Variants in VPS13B observed in about 807,000 individuals in gnomAD.
VPS13B encodes the protein vacuolar protein sorting 13 homolog B.
VPS13B carries 285 observed loss-of-function variants against 426.4 expected under a neutral mutation model. That is an observed-to-expected ratio of 0.67 (90% CI 0.61 to 0.74). The LOEUF (loss-of-function observed/expected upper bound fraction) is 0.74, where lower values mean the gene tolerates loss of function less well. Among genes scored for constraint, VPS13B ranks in the 30% least tolerant of loss-of-function variants. The pLI, the probability that VPS13B is intolerant of heterozygous loss-of-function variation, is 0.00. For missense variants in VPS13B, 4,537 were observed against 4,782.6 expected, an observed-to-expected ratio of 0.95 and a Z score of 1.51; for synonymous variants, 1,676 against 1,676.4, an observed-to-expected ratio of 1.00 and a Z score of 0.01.
At position 99,669,275 on chromosome 8, in the gene VPS13B, T is replaced by A. The variant is rs946355134; in HGVS notation, c.6046+7784T>A. ...TTAACTTTGAAATGCAATTTTTTTT[T>A]AATTTAATGAGAGCTGACACATGAG... On this transcript the variant is annotated intron_variant, in intron 35 of 61. Transcript: ENST00000357162. 2.0e-5 allele frequency among the ~76,000 whole-genome samples: 3 copies of A among 152,048 alleles called. No individual in the cohort carries two copies. In the East Asian group the frequency reaches 5.8e-4, roughly 29 times the overall value.
intron 35 of VPS13B, among the ~76,000 whole-genome samples, chr8:99,693,915 G>C (rs1455733733): frequency 7.7e-6 from 1 of 130,234 alleles, no homozygotes; most frequent in Non-Finnish European, 1.6e-5. Context: ...GACAAACAGA[G>C]AGCCAAATCA....
intron 19 of VPS13B, among the ~76,000 whole-genome samples, chr8:99,308,694 C>G (rs1820780291): frequency 2.0e-5 from 3 of 152,152 alleles, no homozygotes; most frequent in Non-Finnish European, 4.4e-5. Flanking sequence ...GGTGTATCCC[C>G]AGTAATGGGA....
Position 99,720,481 on chromosome 8 carries a change from A to G in VPS13B, c.6794A>G (p.Asn2265Ser). 6.2e-7 allele frequency: 1 copy of G among 1,614,090 alleles called. No individual in the cohort carries two copies. The highest frequency in any genetic ancestry group is 8.5e-7 in the Non-Finnish European group (1 of 1,179,950). ...CAAATGTCATCTCCTGTGGAAAAGAATCAGACATTTAAAAGTGAACAAAGT... is the reference window on the plus strand; with the variant it reads ...CAAATGTCATCTCCTGTGGAAAAGAGTCAGACATTTAAAAGTGAACAAAGT... ...VPQMSSPVEK[N>S]QTFKSEQSSD... The change falls in exon 38 of 62, where the codon AAT becomes AGT. Residue 2265 changes from asparagine to serine, a missense_variant. By Grantham distance (46) the Asn-to-Ser change is conservative. Around this residue, in one of 2 missense-constraint regions of VPS13B, gnomAD observed 4,311 missense variants for 4,474.3 expected, o/e 0.96. Coordinates refer to ENST00000357162, the MANE Select transcript of VPS13B (RefSeq NM_152564.5).
chr8:99,436,423 TATAAC>T (rs1316459977), intron 22 of VPS13B, among the ~76,000 whole-genome samples: 1 of 152,164 alleles, frequency 6.6e-6, no homozygotes, highest in African/African-American at 2.4e-5. Flanking sequence ...GTAAAATACA[TATAAC>T]ATAAAATTTA....
At chr8:99,219,149 G>A (rs1815546017) in intron 17 of VPS13B, among the ~76,000 whole-genome samples, 1 of 152,168 alleles carries the variant, frequency 6.6e-6, no homozygotes, top group African/African-American at 2.4e-5. Context: ...CCAAGTGGCA[G>A]CGTAAACAGG....
rs60109930 is a variant in VPS13B at position 99,513,530 on chromosome 8, A to C, written c.4633+2018A>C. The stretch of plus-strand genomic sequence containing the variant: ...AATTGGTAGACTTTTTTACTAATAA[A>C]GAAATGTTGACGATTTATAAATGAT... On this transcript the variant is annotated intron_variant, in intron 29 of 61. Coordinates refer to ENST00000357162, the MANE Select transcript of VPS13B (RefSeq NM_152564.5). Among the ~76,000 whole-genome samples the C allele has an allele frequency of 4.4e-3, 663 of 152,334 alleles. 5 individuals are homozygous for C. Among genetic ancestry groups the C allele is most frequent in the African/African-American group, 0.015 (616 of 41,574 alleles).
chr8:99,269,526 A>T (rs1818466443), intron 17 of VPS13B, among the ~76,000 whole-genome samples: 1 of 152,234 alleles, frequency 6.6e-6, no homozygotes, highest in Non-Finnish European at 1.5e-5. Flanking sequence ...AGAGTTAAGC[A>T]CCTGGAACAA....
At chr8:99,571,002 C>T (rs79416462) in intron 31 of VPS13B, among the ~76,000 whole-genome samples, 3,151 of 152,232 alleles carry the variant, frequency 0.021, 118 homozygotes, top group African/African-American at 0.072. Context: ...AGCTCTCTTG[C>T]CAAGACAGGC....
chr8:99,021,402 C>A (rs1841878671), intron 2 of VPS13B, among the ~76,000 whole-genome samples: 1 of 152,114 alleles, frequency 6.6e-6, no homozygotes, highest in Admixed American at 6.5e-5. Flanking sequence ...GCGGGTGGAT[C>A]ACGATGTCAG....
chr8:99,803,534 C>G (rs1030339100), intron 43 of VPS13B, among the ~76,000 whole-genome samples: 28 of 152,138 alleles, frequency 1.8e-4, no homozygotes, highest in Non-Finnish European at 3.5e-4. Flanking sequence ...TAAACTTACT[C>G]TTTTAGGTGG....
intron 19 of VPS13B, among the ~76,000 whole-genome samples, chr8:99,367,562 C>T (rs1812959611): frequency 1.3e-5 from 2 of 152,136 alleles, no homozygotes; most frequent in Admixed American, 1.3e-4. Flanking sequence ...TCCTCCGTTA[C>T]TATCCTTTTG....
In VPS13B at chr8:99,520,944, C is replaced by G; in HGVS notation, c.4679C>G (p.Ser1560Cys). The G allele has an allele frequency of 6.2e-7, 1 of 1,613,838 alleles. No homozygotes were observed. Among genetic ancestry groups the G allele is most frequent in the Non-Finnish European group, 8.5e-7 (1 of 1,179,780 alleles). Residue 1560 changes from serine (S) to cysteine (C), a missense_variant, in exon 30 of 62, where the codon TCT becomes TGT. Around this residue, in one of 2 missense-constraint regions of VPS13B, gnomAD observed 4,311 missense variants for 4,474.3 expected, o/e 0.96. Transcript: ENST00000357162. ...GACACTGTGGTTTTGAAGATTGGCT[C>G]TGTTGCCATGGCTCCCCAGGCTGAC... The part of the protein sequence containing the change: ...KEDTVVLKIG[S>C]VAMAPQADNP...
chr8:99,664,698 T>A (rs922592156), intron 35 of VPS13B, among the ~76,000 whole-genome samples: 1 of 152,220 alleles, frequency 6.6e-6, no homozygotes, highest in Non-Finnish European at 1.5e-5. Context: ...GTGCCACATT[T>A]TCTTAATCCA....
intron 23 of VPS13B, among the ~76,000 whole-genome samples, chr8:99,456,085 G>A (rs1818441441): frequency 6.6e-6 from 1 of 152,108 alleles, no homozygotes; most frequent in Non-Finnish European, 1.5e-5. Flanking sequence ...CGATTTGTTA[G>A]GGTTAGCGTA....
At chr8:99,345,145 A>G (rs1381208672) in intron 19 of VPS13B, among the ~76,000 whole-genome samples, 1 of 152,244 alleles carries the variant, frequency 6.6e-6, no homozygotes, top group Non-Finnish European at 1.5e-5. Context: ...CATCATTGCT[A>G]TAGTATGCAA....
chr8:99,391,499 G>T (rs1006593032), intron 20 of VPS13B, 58 bp from the exon 21 acceptor site: 5 of 1,612,416 alleles, frequency 3.1e-6, no homozygotes, highest in Non-Finnish European at 4.2e-6. Context: ...AACCTTTGCT[G>T]CTTAAGAAAT....
chr8:99,689,802 G>A (rs1431310309), intron 35 of VPS13B, among the ~76,000 whole-genome samples: 1 of 152,236 alleles, frequency 6.6e-6, no homozygotes, highest in Non-Finnish European at 1.5e-5. Flanking sequence ...CCAGTCTGCA[G>A]TCAGGGAAAA....
chr8:99,539,764 A>G (rs1042307950), intron 30 of VPS13B, among the ~76,000 whole-genome samples: 6 of 151,802 alleles, frequency 4.0e-5, no homozygotes, highest in African/African-American at 1.5e-4. Context: ...TATAATGAAT[A>G]GATGTATTTA....
chr8:99,413,999 A>G (rs1249183705), intron 21 of VPS13B, among the ~76,000 whole-genome samples: 2 of 152,134 alleles, frequency 1.3e-5, no homozygotes, highest in Non-Finnish European at 2.9e-5. Context: ...TTTCTGTCTC[A>G]TTGATCTGTC....
Sources: allele counts gnomAD v4.1 joint callset (sites outside exome capture counted in the v4.1 genomes callset), GRCh38; gene constraint gnomAD v4.1.1; regional missense constraint gnomAD v4.1.1; transcripts MANE v1.5; gene names NCBI Gene and HGNC (gene_info 2026-07-23, HGNC 2026-07-21).